The following NAALADL2 variants were observed in gnomAD, a reference collection of about 807,000 sequenced individuals.
NAALADL2 encodes the protein N-acetylated alpha-linked acidic dipeptidase like 2, also known as inactive N-acetylated-alpha-linked acidic dipeptidase-like protein 2.
A neutral mutation model predicts 87.2 loss-of-function variants in NAALADL2; 76 were observed. The observed-to-expected ratio is 0.87, with a 90% CI of 0.72 to 1.05. The LOEUF (loss-of-function observed/expected upper bound fraction) is 1.05. Ranked by LOEUF, NAALADL2 falls within the 50% of genes least tolerant of loss-of-function variation. The pLI is 0.00. For synonymous variants in NAALADL2, 354 were observed against 331.0 expected (o/e 1.07, Z -0.75); for missense variants, 1,089 against 945.8 (o/e 1.15, Z -1.99).
chr3:174,922,142 C>CA (rs1164957533), intron 1 of NAALADL2, among the ~76,000 whole-genome samples: 1 of 151,644 alleles, frequency 6.6e-6, no homozygotes, highest in Non-Finnish European at 1.5e-5. Flanking sequence ...CCCATCTTTA[C>CA]AAAAAATAAA....
intron 2 of NAALADL2, among the ~76,000 whole-genome samples, chr3:174,621,428 A>G (rs755708159): frequency 3.9e-5 from 6 of 152,154 alleles, no homozygotes; most frequent in Non-Finnish European, 5.9e-5. Flanking sequence ...ATTTAACTAT[A>G]CTATTCATAT....
At chr3:175,319,602 T>C (rs1311788098) in intron 4 of NAALADL2, among the ~76,000 whole-genome samples, 1 of 152,054 alleles carries the variant, frequency 6.6e-6, no homozygotes, top group Non-Finnish European at 1.5e-5. Flanking sequence ...GCAATATCAT[T>C]TGGGGTCAGG....
rs115148263 is a variant in NAALADL2 at position 174,581,648 on chromosome 3, T to C, written c.-115+31011T>C. Among the ~76,000 whole-genome samples the C allele has an allele frequency of 2.0e-3, 300 of 152,288 alleles. 2 individuals are homozygous for C. The highest frequency in any genetic ancestry group is 6.7e-3 in the African/African-American group (277 of 41,568). On this transcript the variant is annotated intron_variant, in intron 2 of 3. Coordinates refer to the NAALADL2 transcript ENST00000434257. ...ATTCTGAGCAGTGATGTGTTGCAAT[T>C]TGAACTATCTACCGCATTTTTAGAG...
chr3:175,439,322 T>G (rs916923173), intron 5 of NAALADL2, among the ~76,000 whole-genome samples: 4 of 152,052 alleles, frequency 2.6e-5, no homozygotes, highest in Non-Finnish European at 5.9e-5. Context: ...GTATTTTTTT[T>G]TTTATAATTA....
chr3:174,879,035 T>C (rs1481739557), intron 1 of NAALADL2, among the ~76,000 whole-genome samples: 4 of 152,036 alleles, frequency 2.6e-5, no homozygotes, highest in African/African-American at 9.7e-5. Flanking sequence ...AAAAAATTTA[T>C]AGCTTTTCCA....
intron 4 of NAALADL2, among the ~76,000 whole-genome samples, chr3:175,258,800 G>A (rs1209133846): frequency 1.3e-5 from 2 of 152,094 alleles, no homozygotes; most frequent in African/African-American, 2.4e-5. Flanking sequence ...AAGCCTAAAG[G>A]TAAGAGATGG....
chr3:175,015,296 G>A (rs1387915185), intron 1 of NAALADL2, among the ~76,000 whole-genome samples: 1 of 152,020 alleles, frequency 6.6e-6, no homozygotes, highest in Non-Finnish European at 1.5e-5. Flanking sequence ...ATTAACCTAT[G>A]TATATGTATA....
In NAALADL2 at chr3:175,160,014, C is replaced by CTTTTTTTT. The variant is rs1732904695; in HGVS notation, c.545+62727_545+62728insTTTTTTTT. ...ACCACTCGTGACTTTTTTTTTTTTA[C>CTTTTTTTT]TTTTAGTAGAGATGGGGTTTCACCG... On this transcript the variant is annotated intron_variant, in intron 2 of 13. Transcript: ENST00000454872. Among the ~76,000 whole-genome samples, 29 of 43,710 alleles carry CTTTTTTTT rather than the reference C, an allele frequency of 6.6e-4. 1 individual carries two copies. Among genetic ancestry groups the CTTTTTTTT allele is most frequent in the Middle Eastern group, 0.012 (1 of 84 alleles). The allele number at this position is 43,710 out of a possible 152,430, so 28.7% of individuals were successfully genotyped here. A position where few individuals can be genotyped will look rare whatever the true frequency, so the allele number is the denominator to read the frequency against.
intron 3 of NAALADL2, among the ~76,000 whole-genome samples, chr3:174,832,261 C>A (rs1172835299): frequency 6.6e-6 from 1 of 151,788 alleles, no homozygotes; most frequent in Non-Finnish European, 1.5e-5. Context: ...TATAAATTTC[C>A]CTCTACACAC....
chr3:175,750,019 G>A (rs73881372), intron 12 of NAALADL2, among the ~76,000 whole-genome samples: 26 of 152,284 alleles, frequency 1.7e-4, no homozygotes, highest in African/African-American at 5.3e-4. Context: ...ATTGTGTTAA[G>A]TTCCTTACAT....
intron 1 of NAALADL2, among the ~76,000 whole-genome samples, chr3:174,898,370 G>T (rs1163728412): frequency 6.6e-6 from 1 of 150,998 alleles, no homozygotes; most frequent in Non-Finnish European, 1.5e-5. Context: ...TAGATAATGC[G>T]ATAATAATAG....
intron 3 of NAALADL2, among the ~76,000 whole-genome samples, chr3:174,775,261 T>TAA (rs3040081): frequency 1.7e-4 from 25 of 150,794 alleles, no homozygotes; most frequent in Non-Finnish European, 1.2e-4. Flanking sequence ...TCACCTCCCC[T>TAA]AAAAAAAATC....
chr3:175,751,600 C>T (rs925484220), intron 12 of NAALADL2, among the ~76,000 whole-genome samples: 3 of 152,002 alleles, frequency 2.0e-5, no homozygotes, highest in Non-Finnish European at 4.4e-5. Context: ...TATTCATGAC[C>T]ACACTGATAG....
chr3:175,091,425 G>A (rs544102082), intron 1 of NAALADL2, among the ~76,000 whole-genome samples: 2 of 152,036 alleles, frequency 1.3e-5, no homozygotes, highest in African/African-American at 4.8e-5. Flanking sequence ...ATCATGGATT[G>A]TCATAGGAAA....
intron 3 of NAALADL2, among the ~76,000 whole-genome samples, chr3:174,789,163 A>T (rs1435049543): frequency 1.3e-5 from 2 of 152,202 alleles, no homozygotes; most frequent in Non-Finnish European, 2.9e-5. Context: ...CTGTCTTCTG[A>T]CCAGTGGTAC....
chr3:174,910,805 T>A (rs936261859), intron 1 of NAALADL2, among the ~76,000 whole-genome samples: 1 of 152,052 alleles, frequency 6.6e-6, no homozygotes, highest in Non-Finnish European at 1.5e-5. Context: ...AAATGTGACA[T>A]CTGAAATATG....
At chr3:175,730,395 G>GATAT (rs5854656) in intron 11 of NAALADL2, among the ~76,000 whole-genome samples, 258 of 55,688 alleles carry the variant, frequency 4.6e-3, no homozygotes, top group Admixed American at 6.7e-3. Flanking sequence ...ACTTAATACA[G>GATAT]ATATATATAT....
At chr3:174,594,089 A>T (rs1337519627) in intron 2 of NAALADL2, among the ~76,000 whole-genome samples, 2 of 141,046 alleles carry the variant, frequency 1.4e-5, no homozygotes, top group South Asian at 2.4e-4. Context: ...ATATTGAGGA[A>T]TTTTTTTTCT....
intron 2 of NAALADL2, among the ~76,000 whole-genome samples, chr3:174,658,789 T>C (rs1333277058): frequency 6.6e-6 from 1 of 152,214 alleles, no homozygotes; most frequent in African/African-American, 2.4e-5. Context: ...TTGATATTCA[T>C]TTCTTATTTT....
Sources: allele counts gnomAD v4.1 joint callset (sites outside exome capture counted in the v4.1 genomes callset), GRCh38; gene constraint gnomAD v4.1.1; transcripts MANE v1.5; gene names NCBI Gene and HGNC (gene_info 2026-07-23, HGNC 2026-07-21).